Variants in SLC9A7 observed in about 807,000 individuals in gnomAD.
The protein encoded by SLC9A7 is sodium/hydrogen exchanger 7.
SLC9A7 carries 19 observed loss-of-function variants against 52.6 expected under a neutral mutation model. The observed-to-expected ratio is 0.36, with a 90% confidence interval of 0.25 to 0.53. The LOEUF is 0.53. Among genes scored for constraint, SLC9A7 ranks in the 20% least tolerant of loss-of-function variants. The pLI is 0.91. For synonymous variants in SLC9A7, 226 were observed against 252.1 expected, an observed-to-expected ratio of 0.90 and a Z score of 0.98; for missense variants, 455 against 597.9, an observed-to-expected ratio of 0.76 and a Z score of 2.49.
At chrX:46,639,127 A>T (rs1360920239) in intron 12 of SLC9A7, among the ~76,000 whole-genome samples, 1 of 112,178 alleles carries the variant, frequency 8.9e-6, no homozygotes, top group Non-Finnish European at 1.9e-5. Flanking sequence ...ATCAATTGAT[A>T]CAGAAAAAAT....
intron 1 of SLC9A7, among the ~76,000 whole-genome samples, chrX:46,723,298 C>CAAAAA (rs764219707): frequency 3.2e-4 from 6 of 18,476 alleles, no homozygotes; most frequent in African/African-American, 3.8e-4. Flanking sequence ...AAGATTTCTA[C>CAAAAA]AAAAAAAAAA....
At chrX:46,635,537 G>C in intron 13 of SLC9A7, 52 bp downstream of exon 13, 2 of 963,653 alleles carry the variant, frequency 2.1e-6, no homozygotes, top group Admixed American at 4.5e-5. Flanking sequence ...AGGTTAGAAA[G>C]AGGAGAAAAG....
chrX:46,631,719 A>G, intron 13 of SLC9A7, 70 bp from the exon 14 acceptor site: 1 of 850,008 alleles, frequency 1.2e-6, no homozygotes, highest in Non-Finnish European at 1.7e-6. Flanking sequence ...GTAGCCATGC[A>G]GGCTGCAAGT....
At chrX:46,672,125 C>T (rs1393948838) in intron 4 of SLC9A7, among the ~76,000 whole-genome samples, 3 of 111,924 alleles carry the variant, frequency 2.7e-5, no homozygotes, top group African/African-American at 9.7e-5. Context: ...CATTGTGGGG[C>T]GGCTTTGACC....
chrX:46,664,927 T>A lies in SLC9A7; in HGVS notation c.794-2284A>T, dbSNP rs755444249. On this transcript the variant is annotated intron_variant, in intron 5 of 16. Coordinates refer to ENST00000616978, the MANE Select transcript of SLC9A7 (RefSeq NM_001257291.2). ...ACCACACCTGGCCTAAAAGCATAAT[T>A]AATAATAATAACAATAAACACGTAC... 9.1e-5 allele frequency among the ~76,000 whole-genome samples: 10 copies of A among 109,894 alleles called. No individual in the cohort carries two copies. The South Asian group carries it at 3.9e-3, about 43-fold the overall frequency.
At chrX:46,702,631 C>T (rs1477752356) in intron 1 of SLC9A7, among the ~76,000 whole-genome samples, 1 of 111,803 alleles carries the variant, frequency 8.9e-6, no homozygotes, top group Admixed American at 9.5e-5. Context: ...TTTTTATGGC[C>T]GTGTAGTATT....
At chrX:46,708,967 AG>A (rs1483527830) in intron 1 of SLC9A7, among the ~76,000 whole-genome samples, 2 of 111,682 alleles carry the variant, frequency 1.8e-5, no homozygotes, top group Non-Finnish European at 3.8e-5. Context: ...ACATTCTAGC[AG>A]GGGGAAAGAT....
At chrX:46,713,544 T>A (rs1472896901) in intron 1 of SLC9A7, among the ~76,000 whole-genome samples, 2 of 108,205 alleles carry the variant, frequency 1.8e-5, no homozygotes, top group African/African-American at 6.7e-5. Context: ...GAAAAGAAAA[T>A]GCACAAGGCT....
Position 46,620,959 on chromosome X carries a change from T to C in SLC9A7, c.1823+18A>G. The C allele has an allele frequency of 8.8e-7, 1 of 1,133,626 alleles. No individual in the cohort carries two copies. The highest frequency in any genetic ancestry group is 1.2e-6 in the Non-Finnish European group (1 of 829,151). 93.4% of individuals were successfully genotyped at this position (1,133,626 alleles called of 1,213,427 possible). A position where few individuals can be genotyped will look rare whatever the true frequency, so the allele number is the denominator to read the frequency against. ...CCCAATGTTTCACCGACACAGGGGA[T>C]GCTACTTAAAAGGATACTTGTGATC... is the stretch of plus-strand genomic sequence containing the variant. On this transcript the variant is annotated intron_variant, in intron 15 of 16. Coordinates refer to ENST00000616978, the MANE Select transcript of SLC9A7 (RefSeq NM_001257291.2).
chrX:46,715,133 T>A, intron 1 of SLC9A7, among the ~76,000 whole-genome samples: 1 of 112,042 alleles, frequency 8.9e-6, no homozygotes, highest in East Asian at 2.8e-4. Context: ...TTTAAGACCC[T>A]ACCCAAGCTC....
At chrX:46,642,871 T>C (rs150824994) in intron 12 of SLC9A7, among the ~76,000 whole-genome samples, 106 of 111,879 alleles carry the variant, frequency 9.5e-4, no homozygotes, top group Middle Eastern at 4.6e-3. Flanking sequence ...CTGGATTTCA[T>C]TTCAAAGGAA....
At chrX:46,719,721 T>C (rs1370754229) in intron 1 of SLC9A7, among the ~76,000 whole-genome samples, 1 of 111,020 alleles carries the variant, frequency 9.0e-6, no homozygotes, top group Non-Finnish European at 1.9e-5. Flanking sequence ...AAGAAGAAAC[T>C]ATCTCAGGGT....
chrX:46,670,256 TA>T (rs1943997503), intron 4 of SLC9A7, among the ~76,000 whole-genome samples: 1 of 112,299 alleles, frequency 8.9e-6, no homozygotes, highest in South Asian at 3.7e-4. Context: ...TTAAATGTCC[TA>T]TTAGAACATC....
rs1418544919 is a variant in SLC9A7 at position 46,600,087 on chromosome X, A to G, written c.*6865T>C. On this transcript the variant is annotated 3_prime_UTR_variant, in exon 17 of 17. Coordinates refer to ENST00000616978, the MANE Select transcript of SLC9A7 (RefSeq NM_001257291.2). ...AGTCACACTTTGAACGATCAATTTC[A>G]GTGGTAAATTCCCAATCCATAGACT... 8.9e-6 allele frequency: 1 copy of G among 111,925 alleles called. No individual in the cohort carries two copies. The highest frequency in any genetic ancestry group is 3.2e-5 in the African/African-American group (1 of 30,790). 9.2% of individuals were successfully genotyped at this position (111,925 alleles called of 1,213,427 possible).
intron 1 of SLC9A7, 138 bp downstream of exon 1, chrX:46,758,567 G>T: frequency 2.6e-6 from 1 of 390,901 alleles, no homozygotes; most frequent in Non-Finnish European, 4.3e-6. Context: ...AGTTGACCTT[G>T]GGAACCAACA....
At chrX:46,740,250 C>T (rs1921243667) in intron 1 of SLC9A7, among the ~76,000 whole-genome samples, 2 of 111,486 alleles carry the variant, frequency 1.8e-5, no homozygotes, top group Non-Finnish European at 3.8e-5. Context: ...ATATGACAAA[C>T]CCACAACTAA....
intron 1 of SLC9A7, among the ~76,000 whole-genome samples, chrX:46,714,796 T>C (rs1202753294): frequency 8.9e-6 from 1 of 111,795 alleles, no homozygotes; most frequent in African/African-American, 3.3e-5. Context: ...CGGTAGGTGC[T>C]ATGGCTAAAA....
rs1158365809 is a variant in SLC9A7, at chrX:46,599,766, A to ATGTT, written c.*7182_*7185dup. ...ACGTTTATTTATATAACATACTATA[A>ATGTT]TGTTAATTTTATAAAACCACCAGTT... On this transcript the variant is annotated 3_prime_UTR_variant, in exon 17 of 17. Coordinates refer to ENST00000616978, the MANE Select transcript of SLC9A7 (RefSeq NM_001257291.2). 5 of 111,870 alleles carry ATGTT rather than the reference A, an allele frequency of 4.5e-5. No individual in the cohort carries two copies. Among genetic ancestry groups the ATGTT allele is most frequent in the African/African-American group, 1.3e-4 (4 of 30,731 alleles). The allele number at this position is 111,870 out of a possible 1,213,427, so 9.2% of individuals were successfully genotyped here.
chrX:46,622,755 G>A (rs1345420008), intron 14 of SLC9A7, among the ~76,000 whole-genome samples: 1 of 111,563 alleles, frequency 9.0e-6, no homozygotes, highest in Non-Finnish European at 1.9e-5. Context: ...AAAAAAGAAA[G>A]CTACAAGAGA....
Sources: gnomAD v4.1 joint callset for allele counts (sites outside exome capture counted in the v4.1 genomes callset) on GRCh38, gnomAD v4.1.1 for gene constraint, MANE v1.5 for transcripts, NCBI Gene and HGNC (gene_info 2026-07-23, HGNC 2026-07-21) for gene names.